JARID2: variants seen among roughly 807,000 people sequenced by gnomAD.
JARID2 encodes the protein protein Jumonji.
Under a neutral mutation model 125.6 loss-of-function variants are expected in JARID2, and 21 were observed. That is an observed-to-expected ratio of 0.17 (90% CI 0.12 to 0.24). The LOEUF (loss-of-function observed/expected upper bound fraction) is 0.24. Ranked by LOEUF, JARID2 falls within the 10% of genes least tolerant of loss-of-function variation. JARID2 has a pLI of 1.00. For synonymous variants in JARID2, 736 were observed against 661.6 expected, an observed-to-expected ratio of 1.11 and a Z score of -1.73; for missense variants, 1,303 against 1,639.6, an observed-to-expected ratio of 0.79 and a Z score of 3.55.
chr6:15,277,326 G>T (rs1411715321), intron 1 of JARID2, among the ~76,000 whole-genome samples: 1 of 152,132 alleles, frequency 6.6e-6, no homozygotes, highest in African/African-American at 2.4e-5. Flanking sequence ...GTCTTGCTAT[G>T]TTGCCCAGGC....
chr6:15,472,504 G>GC (rs1769126196), intron 5 of JARID2, among the ~76,000 whole-genome samples: 1 of 152,130 alleles, frequency 6.6e-6, no homozygotes, highest in Admixed American at 6.5e-5. Flanking sequence ...GATTAGGCCT[G>GC]CCCCCAACCT....
At chr6:15,491,785 A>G (rs1770162428) in intron 6 of JARID2, among the ~76,000 whole-genome samples, 1 of 152,136 alleles carries the variant, frequency 6.6e-6, no homozygotes, top group South Asian at 2.1e-4. Flanking sequence ...GGGGTGGAGA[A>G]AAACCCATAA....
rs183065170 is a variant in JARID2, at chr6:15,285,186, C to G, written c.45+38602C>G. Among the ~76,000 whole-genome samples the G allele has an allele frequency of 3.2e-3, 466 of 146,592 alleles. 3 individuals are homozygous for G. The highest frequency in any genetic ancestry group is 2.1e-3 in the Non-Finnish European group (142 of 67,358). ...AGTGCAATGGCACGATCTTGGCTCACTGCAACCTCCGCCTCTGGGGTTCAA... is the reference window on the plus strand; with the variant it reads ...AGTGCAATGGCACGATCTTGGCTCAGTGCAACCTCCGCCTCTGGGGTTCAA... On this transcript the variant is annotated intron_variant, in intron 1 of 17. Coordinates refer to ENST00000341776, the MANE Select transcript of JARID2 (RefSeq NM_004973.4).
chr6:15,264,041 G>A lies in JARID2; in HGVS notation c.45+17457G>A, dbSNP rs189609494. Among the ~76,000 whole-genome samples the A allele has an allele frequency of 3.5e-4, 53 of 152,272 alleles. 1 individual carries two copies. The East Asian group carries it at 7.9e-3, about 23-fold the overall frequency. ...CCCAAGTAGCTGGGACTAGAGCTGC[G>A]CTTCACCATGCCTGGCTAATTTCAG... On this transcript the variant is annotated intron_variant, in intron 1 of 17. Transcript: ENST00000341776.
At chr6:15,415,309 C>T (rs887549442) in intron 3 of JARID2, among the ~76,000 whole-genome samples, 18 of 152,356 alleles carry the variant, frequency 1.2e-4, no homozygotes, top group East Asian at 5.8e-4. Context: ...CATCATGGCC[C>T]GTTCCCAATG....
At position 15,484,838 on chromosome 6, in the gene JARID2, G is replaced by A. The variant is rs145908624; in HGVS notation, c.671-2469G>A. On this transcript the variant is annotated intron_variant, in intron 5 of 17. Transcript: ENST00000341776. Reference sequence around the variant, plus strand: ...GGCAGGAAAAAGCACAGAGAAGTTTGGAGGAGTATTGGAGATTAAAAAAAA... The same window carrying A: ...GGCAGGAAAAAGCACAGAGAAGTTTAGAGGAGTATTGGAGATTAAAAAAAA... Among the ~76,000 whole-genome samples, 279 of 152,212 alleles carry A rather than the reference G, an allele frequency of 1.8e-3. 3 individuals carry two copies. In the Middle Eastern group the frequency reaches 0.024, roughly 13 times the overall value.
At chr6:15,357,311 A>G (rs1343827459) in intron 1 of JARID2, among the ~76,000 whole-genome samples, 1 of 152,248 alleles carries the variant, frequency 6.6e-6, no homozygotes. Flanking sequence ...GCAACTTTGG[A>G]TCAAATAAAA....
Position 15,499,265 on chromosome 6 carries a change from T to C in JARID2, c.1946-1642T>C, listed in dbSNP as rs1242924846. Reference sequence around the variant, plus strand: ...AATCCACCCCAGCAGATGTGCCTTCTGCCTCTGTGTAGGTTCACTTCCACC... The same window carrying C: ...AATCCACCCCAGCAGATGTGCCTTCCGCCTCTGTGTAGGTTCACTTCCACC... On this transcript the variant is annotated intron_variant, in intron 7 of 17. Transcript: ENST00000341776. Among the ~76,000 whole-genome samples, 3 of 152,226 alleles carry C rather than the reference T, an allele frequency of 2.0e-5. No individual in the cohort carries two copies. The East Asian group carries it at 5.8e-4, about 29-fold the overall frequency.
chr6:15,478,554 CG>C (rs1412104322), intron 5 of JARID2, among the ~76,000 whole-genome samples: 1 of 151,884 alleles, frequency 6.6e-6, no homozygotes. Context: ...GTTTCTCTCT[CG>C]GTGTGTAGTA....
At chr6:15,480,244 G>A (rs1769546048) in intron 5 of JARID2, among the ~76,000 whole-genome samples, 1 of 152,132 alleles carries the variant, frequency 6.6e-6, no homozygotes, top group Admixed American at 6.5e-5. Context: ...CCCATCTTCA[G>A]GGTCTTCTTT....
intron 3 of JARID2, among the ~76,000 whole-genome samples, chr6:15,413,002 GTTT>G (rs745910520): frequency 9.0e-4 from 42 of 46,550 alleles, no homozygotes; most frequent in African/African-American, 3.7e-3. Context: ...AAGAGCTTGT[GTTT>G]TTGTTTTTTT....
At position 15,512,929 on chromosome 6, in the gene JARID2, C is replaced by T; in HGVS notation, c.3150C>T (p.Arg1050=). 1.2e-6 allele frequency: 2 copies of T among 1,613,772 alleles called. No individual in the cohort carries two copies. The highest frequency in any genetic ancestry group is 2.2e-5 in the South Asian group (2 of 91,068). ...TCCTCTTTCAGGAAATGAAGCGTCG[C>T]CATATAGCTAAGCCATTCTCCATGG... ...GFETAKEMKR[R]HIAKPFSMEK... Residue 1050 remains arginine, a synonymous_variant, in exon 15 of 18, where the codon CGC becomes CGT. Coordinates refer to ENST00000341776, the MANE Select transcript of JARID2 (RefSeq NM_004973.4).
intron 1 of JARID2, among the ~76,000 whole-genome samples, chr6:15,347,695 A>G (rs1003299884): frequency 6.6e-6 from 1 of 152,232 alleles, no homozygotes; most frequent in African/African-American, 2.4e-5. Context: ...TGATGGCTCA[A>G]AAATCCTTTA....
rs199945772 is a variant in JARID2 at position 15,285,106 on chromosome 6, G to GTTTTTTTTTT, written c.45+38534_45+38543dup. The stretch of plus-strand genomic sequence containing the variant: ...TTTGCATTAATGTGAGTCTTTCTGG[G>GTTTTTTTTTT]TTTTTTTTTTTTTTTTTTTTTGAAA... On this transcript the variant is annotated intron_variant, in intron 1 of 17. Coordinates refer to ENST00000341776, the MANE Select transcript of JARID2 (RefSeq NM_004973.4). Among the ~76,000 whole-genome samples the GTTTTTTTTTT allele has an allele frequency of 6.9e-4, 82 of 119,448 alleles. 3 individuals are homozygous for GTTTTTTTTTT. The highest frequency in any genetic ancestry group is 2.4e-3 in the African/African-American group (73 of 30,410). The allele number at this position is 119,448 out of a possible 152,430, so 78.4% of individuals were successfully genotyped here.
At chr6:15,466,742 A>G (rs1768758591) in intron 4 of JARID2, among the ~76,000 whole-genome samples, 1 of 152,196 alleles carries the variant, frequency 6.6e-6, no homozygotes, top group African/African-American at 2.4e-5. Flanking sequence ...GTCTTGTACC[A>G]ATTGTAAAAC....
intron 8 of JARID2, among the ~76,000 whole-genome samples, chr6:15,502,710 TTC>T (rs1356481810): frequency 3.3e-5 from 5 of 152,198 alleles, no homozygotes; most frequent in Non-Finnish European, 7.3e-5. Context: ...CCTTGCACAC[TTC>T]TCTGGAAAGA....
At chr6:15,283,136 G>T (rs576358599) in intron 1 of JARID2, among the ~76,000 whole-genome samples, 1 of 143,526 alleles carries the variant, frequency 7.0e-6, no homozygotes, top group African/African-American at 2.6e-5. Flanking sequence ...CCGCCACCAC[G>T]CCCGGCTAAT....
intron 1 of JARID2, among the ~76,000 whole-genome samples, chr6:15,287,164 A>G (rs917416226): frequency 6.7e-6 from 1 of 149,786 alleles, no homozygotes. Flanking sequence ...AACAAACAAA[A>G]AAACCCCTCT....
At chr6:15,383,942 G>A (rs1482775259) in intron 2 of JARID2, among the ~76,000 whole-genome samples, 1 of 152,148 alleles carries the variant, frequency 6.6e-6, no homozygotes, top group Admixed American at 6.5e-5. Flanking sequence ...TTACAGGCAT[G>A]CGCCAAGACG....
Sources: gnomAD v4.1 joint callset for allele counts (sites outside exome capture counted in the v4.1 genomes callset) on GRCh38, gnomAD v4.1.1 for gene constraint, MANE v1.5 for transcripts, NCBI Gene and HGNC (gene_info 2026-07-23, HGNC 2026-07-21) for gene names.